Variants in SLC16A2 observed in about 807,000 individuals in gnomAD.
SLC16A2 encodes the protein solute carrier family 16 member 2, also known as monocarboxylate transporter 8.
SLC16A2 carries 3 observed loss-of-function variants against 27.2 expected under a neutral mutation model. The ratio of observed to expected loss-of-function variants is 0.11; its 90% confidence interval spans 0.05 to 0.28. The LOEUF (loss-of-function observed/expected upper bound fraction) is 0.28, where lower values mean the gene tolerates loss of function less well. SLC16A2 is among the 10% of genes least tolerant of loss of function. SLC16A2 has a pLI of 1.00. For synonymous variants in SLC16A2, 202 were observed against 187.8 expected (o/e 1.08, Z -0.62); for missense variants, 295 against 458.5 (o/e 0.64, Z 3.26).
rs1054125304 is a variant in SLC16A2, at chrX:74,446,761, CAGAT to C, written c.430+24698_430+24701del. Among the ~76,000 whole-genome samples, 4 of 112,493 alleles carry C rather than the reference CAGAT, an allele frequency of 3.6e-5. No individual in the cohort carries two copies. In the Admixed American group the frequency reaches 3.8e-4, roughly 11 times the overall value. On this transcript the variant is annotated intron_variant, in intron 1 of 5. Transcript: ENST00000587091. ...CACTGCCATCTTTGGATAGGTCAGG[CAGAT>C]AGAATCCTGAGTTCCAGTAGATTCT...
intron 1 of SLC16A2, among the ~76,000 whole-genome samples, chrX:74,464,991 G>A (rs1929224175): frequency 8.9e-6 from 1 of 111,818 alleles, no homozygotes; most frequent in South Asian, 3.8e-4. Context: ...TGGAGCCAGG[G>A]AACATGGCAA....
At chrX:74,468,572 A>G (rs1301531317) in intron 1 of SLC16A2, among the ~76,000 whole-genome samples, 1 of 111,786 alleles carries the variant, frequency 8.9e-6, no homozygotes, top group Non-Finnish European at 1.9e-5. Flanking sequence ...TAATGCTGCT[A>G]TGAGAAGTCC....
At chrX:74,463,142 G>T (rs1442334192) in intron 1 of SLC16A2, among the ~76,000 whole-genome samples, 1 of 110,804 alleles carries the variant, frequency 9.0e-6, no homozygotes, top group Non-Finnish European at 1.9e-5. Context: ...GGGGACAAAA[G>T]AAATGAGAAA....
chrX:74,450,506 C>T (rs1416011458), intron 1 of SLC16A2, among the ~76,000 whole-genome samples: 1 of 111,256 alleles, frequency 9.0e-6, no homozygotes, highest in Non-Finnish European at 1.9e-5. Context: ...TACCAAATAC[C>T]ACTTGCCGCC....
At chrX:74,477,630 T>A (rs1184682180) in intron 1 of SLC16A2, among the ~76,000 whole-genome samples, 1 of 112,287 alleles carries the variant, frequency 8.9e-6, no homozygotes, top group East Asian at 2.8e-4. Flanking sequence ...TGCTATAAAT[T>A]TCCCTCTACA....
intron 1 of SLC16A2, among the ~76,000 whole-genome samples, chrX:74,493,651 T>A (rs189232144): frequency 8.9e-6 from 1 of 112,457 alleles, no homozygotes; most frequent in Non-Finnish European, 1.9e-5. Context: ...TTTCCTAGAA[T>A]TGTTGAAATA....
chrX:74,512,167 C>T (rs1281936770), intron 1 of SLC16A2, among the ~76,000 whole-genome samples: 1 of 112,312 alleles, frequency 8.9e-6, no homozygotes, highest in Non-Finnish European at 1.9e-5. Context: ...CCATGCCAAA[C>T]CAATACCATT....
At position 74,422,058 on chromosome X, in the gene SLC16A2, T is replaced by C; in HGVS notation, c.421T>C (p.Phe141Leu). The C allele has an allele frequency of 8.3e-7, 1 of 1,207,185 alleles. No homozygotes were observed. The highest frequency in any genetic ancestry group is 1.1e-6 in the Non-Finnish European group (1 of 894,083). ...AAAGGAAAAAAATCGCCAAGTGGAG[T>C]TCCAAGCAGGTGAGTGGCCCCGCAC... The part of the protein sequence containing the change: ...EEKEKNRQVE[F>L]QAAWVGALAM... The change falls in exon 1 of 6, where the codon TTC becomes CTC. Residue 141 changes from phenylalanine (F) to leucine (L), a missense_variant. Physicochemically the swap from Phe to Leu is conservative, Grantham distance 22. Coordinates refer to ENST00000587091, the MANE Select transcript of SLC16A2 (RefSeq NM_006517.5).
chrX:74,479,556 C>T (rs528980386), intron 1 of SLC16A2, among the ~76,000 whole-genome samples: 30 of 112,183 alleles, frequency 2.7e-4, no homozygotes, highest in African/African-American at 8.7e-4. Context: ...GGAAGAGAGG[C>T]GCTCTGATTT....
chrX:74,429,277 G>C (rs899467743), intron 1 of SLC16A2, among the ~76,000 whole-genome samples: 1 of 111,483 alleles, frequency 9.0e-6, no homozygotes, highest in Non-Finnish European at 1.9e-5. Flanking sequence ...AGGCCAGCCT[G>C]GGCAACATAG....
At chrX:74,449,108 A>G (rs1010983392) in intron 1 of SLC16A2, among the ~76,000 whole-genome samples, 1 of 111,516 alleles carries the variant, frequency 9.0e-6, no homozygotes, top group African/African-American at 3.3e-5. Flanking sequence ...AGTAGTTTGC[A>G]TTTTTGTGCG....
At chrX:74,446,943 T>C (rs2147843872) in intron 1 of SLC16A2, among the ~76,000 whole-genome samples, 1 of 112,487 alleles carries the variant, frequency 8.9e-6, no homozygotes, top group South Asian at 3.7e-4. Flanking sequence ...ACAGATACAG[T>C]TCTCCCTAAG....
At chrX:74,440,522 CT>C (rs34468845) in intron 1 of SLC16A2, among the ~76,000 whole-genome samples, 22,440 of 69,758 alleles carry the variant, frequency 0.32, 3,157 homozygotes, top group East Asian at 0.82. Flanking sequence ...ATATAAATTC[CT>C]TTTTTTTTTT....
At chrX:74,509,943 T>C (rs967878776) in intron 1 of SLC16A2, among the ~76,000 whole-genome samples, 6 of 112,395 alleles carry the variant, frequency 5.3e-5, no homozygotes, top group Admixed American at 2.8e-4. Context: ...TGGATCTTCA[T>C]CTGTCATTTT....
intron 1 of SLC16A2, chrX:74,476,854 T>C (rs1929491903): frequency 8.9e-6 from 1 of 111,771 alleles, no homozygotes. Context: ...GATAAGCTTT[T>C]TGATGTGCTG....
intron 1 of SLC16A2, among the ~76,000 whole-genome samples, chrX:74,440,646 T>C (rs1357084879): frequency 9.1e-6 from 1 of 109,450 alleles, no homozygotes; most frequent in Non-Finnish European, 1.9e-5. Flanking sequence ...GTGTGTGGTT[T>C]TGTGTATTGT....
intron 1 of SLC16A2, among the ~76,000 whole-genome samples, chrX:74,453,654 A>G (rs1369402922): frequency 9.0e-6 from 1 of 110,906 alleles, no homozygotes; most frequent in Non-Finnish European, 1.9e-5. Flanking sequence ...GCACAATCCC[A>G]TTATTGATTA....
At chrX:74,473,954 G>A (rs1602120887) in intron 1 of SLC16A2, 2 of 345,761 alleles carry the variant, frequency 5.8e-6, no homozygotes, top group Non-Finnish European at 1.0e-5. Context: ...ACTTAGACAC[G>A]ATGGCAGAGT....
rs1930602049 is a variant in SLC16A2, at chrX:74,533,395, G to C, written c.*1842G>C. 1 of 112,275 alleles carries C rather than the reference G, an allele frequency of 8.9e-6. No homozygotes were observed. The highest frequency in any genetic ancestry group is 3.3e-5 in the African/African-American group (1 of 30,750). 9.3% of individuals were successfully genotyped at this position (112,275 alleles called of 1,213,427 possible). A position where few individuals can be genotyped will look rare whatever the true frequency, so the allele number is the denominator to read the frequency against. ...TGTGGGTAGGAAGGGGCCCTAGAAA[G>C]GGCCTAGTTACTATCCTGTCAGTTC... On this transcript the variant is annotated 3_prime_UTR_variant, in exon 6 of 6. Transcript: ENST00000587091.
Sources: gnomAD v4.1 joint callset for allele counts (sites outside exome capture counted in the v4.1 genomes callset) on GRCh38, gnomAD v4.1.1 for gene constraint, MANE v1.5 for transcripts, NCBI Gene and HGNC (gene_info 2026-07-23, HGNC 2026-07-21) for gene names.